KMT2A: variants seen among roughly 807,000 people sequenced by gnomAD.
KMT2A encodes lysine methyltransferase 2A.
KMT2A carries 16 observed loss-of-function variants against 345.3 expected under a neutral mutation model. The ratio of observed to expected loss-of-function variants is 0.05; its 90% CI spans 0.03 to 0.07. KMT2A has a LOEUF of 0.07. Ranked by LOEUF, KMT2A falls within the 10% of genes least tolerant of loss-of-function variation. The probability of loss-of-function intolerance (pLI) is 1.00; values close to 1 mark genes in which losing one functional copy is unlikely to be tolerated. For synonymous variants in KMT2A, 1,599 were observed against 1,778.6 expected, an observed-to-expected ratio of 0.90 and a Z score of 2.54; for missense variants, 3,272 against 4,841.6, an observed-to-expected ratio of 0.68 and a Z score of 9.62.
Position 118,495,793 on chromosome 11 carries a change from G to C in KMT2A, c.5457G>C (p.Gln1819His). 6.2e-7 allele frequency: 1 copy of C among 1,614,100 alleles called. No individual in the cohort carries two copies. Among genetic ancestry groups the C allele is most frequent in the South Asian group, 1.1e-5 (1 of 91,082 alleles). Residue 1819 changes from glutamine to histidine, a missense_variant, in exon 19 of 36, where the codon CAG (glutamine) becomes CAC (histidine). Coordinates refer to ENST00000534358, the MANE Select transcript of KMT2A (RefSeq NM_001197104.2). The surrounding 1 kb of genome is among the most constrained non-coding windows in gnomAD (Gnocchi z 4.1). ...GAGAGGAAAACAGCCACACTGAGCA[G>C]CCTCCTTTAATGAAGAAAATCATTC... Reference protein sequence around the residue: ...QEREENSHTEQPPLMKKIIPA... With the variant: ...QEREENSHTEHPPLMKKIIPA...
At chr11:118,509,083 C>T (rs2134426050) in intron 28 of KMT2A, 53 bp from the exon 29 acceptor site, 2 of 1,526,670 alleles carry the variant, frequency 1.3e-6, no homozygotes, top group South Asian at 1.1e-5. Context: ...TGGGTTTTTT[C>T]TTTGAATTGA....
At chr11:118,483,610 C>T (rs1453815878) in intron 8 of KMT2A, among the ~76,000 whole-genome samples, 1 of 152,160 alleles carries the variant, frequency 6.6e-6, no homozygotes, top group African/African-American at 2.4e-5. Context: ...TTTGTGGCCC[C>T]ACATGTTCTA....
At chr11:118,475,773 A>G (rs1950026613) in intron 3 of KMT2A, among the ~76,000 whole-genome samples, 1 of 152,234 alleles carries the variant, frequency 6.6e-6, no homozygotes, top group African/African-American at 2.4e-5. Flanking sequence ...GGCCATAGTT[A>G]CATTTACTAA....
chr11:118,436,879 G>T lies in KMT2A; in HGVS notation c.367G>T (p.Gly123Cys). 1 of 1,592,264 alleles carries T rather than the reference G, an allele frequency of 6.3e-7. No homozygotes were observed. Among genetic ancestry groups the T allele is most frequent in the Non-Finnish European group, 8.5e-7 (1 of 1,169,794 alleles). Residue 123 changes from glycine to cysteine, a missense_variant, in exon 1 of 36, where the codon GGC becomes TGC. Physicochemically the swap from Gly to Cys is radical, Grantham distance 159. This residue lies in a region of KMT2A where 412 missense variants were observed against 511.0 expected (regional missense o/e 0.81). Transcript: ENST00000534358. This position sits in a 1 kb window ranked among gnomAD's most constrained non-coding sequence, Gnocchi z 6.9. ...GGCGCTGCAGGTCTCGGCCGCCATC[G>T]GCACCAACCTGCGCCGGTTCCGGGC... ...DAALQVSAAIGTNLRRFRAVF... is the reference protein window; with the variant it reads ...DAALQVSAAICTNLRRFRAVF...
At chr11:118,488,474 T>G (rs1555041531) in intron 10 of KMT2A, 140 bp from the exon 11 acceptor site, 2 of 840,082 alleles carry the variant, frequency 2.4e-6, no homozygotes, top group Non-Finnish European at 4.0e-6. Flanking sequence ...TTTTACATAG[T>G]CATTGCTTAA....
chr11:118,484,681 A>T lies in KMT2A; in HGVS notation c.4219-181A>T, dbSNP rs1555040386. Reference sequence around the variant, plus strand: ...TCAATATGAATTGAACAACTAGGTGAGCCTTTTAATAGTCCGTGTCTGAGA... The same window carrying T: ...TCAATATGAATTGAACAACTAGGTGTGCCTTTTAATAGTCCGTGTCTGAGA... On this transcript the variant is annotated intron_variant, in intron 9 of 35. Transcript: ENST00000534358. The surrounding 1 kb of genome is among the most constrained non-coding windows in gnomAD (Gnocchi z 4.1). Among the ~76,000 whole-genome samples the T allele has an allele frequency of 2.6e-5, 4 of 152,248 alleles. No homozygotes were observed. Among genetic ancestry groups the T allele is most frequent in the Admixed American group, 2.0e-4 (3 of 15,282 alleles).
At chr11:118,515,841 A>T (rs1351030552) in intron 31 of KMT2A, among the ~76,000 whole-genome samples, 1 of 151,794 alleles carries the variant, frequency 6.6e-6, no homozygotes, top group East Asian at 1.9e-4. Flanking sequence ...GGTACACGCC[A>T]CCACACCCAG....
Position 118,509,186 on chromosome 11 carries a change from A to T in KMT2A, c.10886A>T (p.Glu3629Val). 7 of 1,613,952 alleles carry T rather than the reference A, an allele frequency of 4.3e-6. No homozygotes were observed. The highest frequency in any genetic ancestry group is 5.9e-6 in the Non-Finnish European group (7 of 1,179,828). The change falls in exon 29 of 36, where the codon GAA becomes GTA. Residue 3629 changes from glutamate to valine, a missense_variant. Physicochemically the swap from Glu to Val is moderately radical, Grantham distance 121 (BLOSUM62 -2). Transcript: ENST00000534358. ...CAGGTGACCCAAAATCCAGCAAATG[A>T]ACAAGAAAGTGCAGGTATGTGGGTG... ...EVQVTQNPAN[E>V]QESAEPKTVE...
chr11:118,460,491 GT>G (rs1949726391), intron 1 of KMT2A, among the ~76,000 whole-genome samples: 1 of 151,998 alleles, frequency 6.6e-6, no homozygotes, highest in Non-Finnish European at 1.5e-5. Context: ...GTCTCACCAT[GT>G]TGCCCAGCCT....
rs190759246 is a variant in KMT2A, at chr11:118,514,869, G to A, written c.11146+2844G>A. ...GCTGGTCTTGAACTCCTGACCTCAG[G>A]TAATCTGCCCGCCTCAGCCTCCCAA... On this transcript the variant is annotated intron_variant, in intron 31 of 35. Coordinates refer to ENST00000534358, the MANE Select transcript of KMT2A (RefSeq NM_001197104.2). Among the ~76,000 whole-genome samples, 120 of 152,276 alleles carry A rather than the reference G, an allele frequency of 7.9e-4. No individual in the cohort carries two copies. The East Asian group carries it at 0.019, about 24-fold the overall frequency.
At position 118,507,789 on chromosome 11, in the gene KMT2A, G is replaced by A. The variant is rs9332849; in HGVS notation, c.10835+180G>A. 4.8e-3 allele frequency: 2,616 copies of A among 539,742 alleles called. 48 individuals are homozygous for A. Among genetic ancestry groups the A allele is most frequent in the African/African-American group, 0.045 (2,334 of 52,386 alleles). 33.4% of individuals were successfully genotyped at this position (539,742 alleles called of 1,614,324 possible). ...ATCCTGGCTAACATGGTGAAACCCC[G>A]TCTCTACTAAAAATACAAAAAGAAT... is the stretch of plus-strand genomic sequence containing the variant. On this transcript the variant is annotated intron_variant, in intron 28 of 35. Transcript: ENST00000534358.
In KMT2A at chr11:118,520,946, A is replaced by G; in HGVS notation, c.11513+61A>G. The stretch of plus-strand genomic sequence containing the variant: ...GAATGCAGTTTTTCAAAATCAAAGC[A>G]GACCAAATGCTGGAGTGACCTTCCT... On this transcript the variant is annotated intron_variant, in intron 34 of 35. Transcript: ENST00000534358. The surrounding 1 kb of genome is among the most constrained non-coding windows in gnomAD (Gnocchi z 4.3). The G allele has an allele frequency of 7.8e-7, 1 of 1,285,730 alleles. No individual in the cohort carries two copies. Among genetic ancestry groups the G allele is most frequent in the Non-Finnish European group, 1.1e-6 (1 of 882,608 alleles). The allele number at this position is 1,285,730 out of a possible 1,614,324, so 79.6% of individuals were successfully genotyped here.
At chr11:118,469,240 T>G (rs900128116) in intron 2 of KMT2A, among the ~76,000 whole-genome samples, 7 of 151,776 alleles carry the variant, frequency 4.6e-5, no homozygotes. Context: ...GAAGTAGGTT[T>G]CCACAGAATT....
intron 1 of KMT2A, among the ~76,000 whole-genome samples, chr11:118,454,672 C>T (rs1022867305): frequency 1.3e-5 from 2 of 152,094 alleles, no homozygotes; most frequent in African/African-American, 2.4e-5. Context: ...ACAAGCTCGT[C>T]GTAAAGTCAA....
rs781818062 is a variant in KMT2A, at chr11:118,502,694, A to G, written c.6802A>G (p.Asn2268Asp). The change falls in exon 27 of 36, where the codon AAT becomes GAT. Residue 2268 changes from asparagine to aspartate, a missense_variant. By Grantham distance (23) the Asn-to-Asp change is conservative. Coordinates refer to ENST00000534358, the MANE Select transcript of KMT2A (RefSeq NM_001197104.2). The surrounding 1 kb of genome is among the most constrained non-coding windows in gnomAD (Gnocchi z 4.9). ...AGGGCAAAACACTTCCACCTCTTCA[A>G]ATTTGCAAAGGACAGTGGTTACTGT... ...SLGQNTSTSS[N>D]LQRTVVTVGN... is the part of the protein sequence containing the mutation. 1.4e-5 allele frequency: 23 copies of G among 1,614,162 alleles called. No individual in the cohort carries two copies. The highest frequency in any genetic ancestry group is 1.9e-5 in the Non-Finnish European group (23 of 1,180,034).
In KMT2A at chr11:118,506,181, G is replaced by A. The variant is rs1555048277; in HGVS notation, c.10289G>A (p.Cys3430Tyr). The change falls in exon 27 of 36, where the codon TGT (cysteine) becomes TAT (tyrosine). Residue 3430 changes from cysteine (C) to tyrosine (Y), a missense_variant. Coordinates refer to ENST00000534358, the MANE Select transcript of KMT2A (RefSeq NM_001197104.2). ...TAAITAASSI[C>Y]VLPSTQTTGI... is the part of the protein sequence containing the mutation. ...GCAATAACAGCGGCATCTAGCATCT[G>A]TGTGCTCCCCTCCACTCAGACTACG... 1 of 1,614,164 alleles carries A rather than the reference G, an allele frequency of 6.2e-7. No individual in the cohort carries two copies. The highest frequency in any genetic ancestry group is 8.5e-7 in the Non-Finnish European group (1 of 1,180,022).
chr11:118,442,729 T>C (rs1280189559), intron 1 of KMT2A, among the ~76,000 whole-genome samples: 2 of 152,212 alleles, frequency 1.3e-5, no homozygotes, highest in Non-Finnish European at 2.9e-5. Context: ...CACTATTTCT[T>C]GAGATTTTCA....
intron 31 of KMT2A, among the ~76,000 whole-genome samples, chr11:118,514,664 T>C (rs1370590273): frequency 7.2e-5 from 11 of 151,990 alleles, no homozygotes; most frequent in African/African-American, 4.8e-5. Flanking sequence ...ACAGAGTTTC[T>C]TTCCTGTTGC....
rs1052128602 is a variant in KMT2A at position 118,437,093 on chromosome 11, C to T, written c.432+149C>T. 2.7e-5 allele frequency: 26 copies of T among 960,324 alleles called. 1 individual carries two copies. The East Asian group carries it at 7.9e-4, about 29-fold the overall frequency. 59.5% of individuals were successfully genotyped at this position (960,324 alleles called of 1,614,324 possible). A position where few individuals can be genotyped will look rare whatever the true frequency, so the allele number is the denominator to read the frequency against. ...GAATGGCTCTCCCATCTTGGGACCCCCATGCAGGGCTGCAGACCCCCAGGC... is the reference window on the plus strand; with the variant it reads ...GAATGGCTCTCCCATCTTGGGACCCTCATGCAGGGCTGCAGACCCCCAGGC... On this transcript the variant is annotated intron_variant, in intron 1 of 35. Coordinates refer to ENST00000534358, the MANE Select transcript of KMT2A (RefSeq NM_001197104.2).
Sources: allele counts gnomAD v4.1 joint callset (sites outside exome capture counted in the v4.1 genomes callset), GRCh38; gene constraint gnomAD v4.1.1; regional missense constraint gnomAD v4.1.1; non-coding constraint Gnocchi (gnomAD v3.1); transcripts MANE v1.5; gene names NCBI Gene and HGNC (gene_info 2026-07-23, HGNC 2026-07-21).